PXDNL: variants seen among roughly 807,000 people sequenced by gnomAD.
PXDNL encodes the protein peroxidasin like, also known as probable oxidoreductase PXDNL.
In PXDNL, 145 loss-of-function variants were observed where a neutral mutation model predicts 150.8. That is an observed-to-expected ratio of 0.96 (90% CI 0.84 to 1.10). PXDNL has a LOEUF of 1.10. PXDNL is among the 50% of genes least tolerant of loss of function. The pLI is 0.00. For synonymous variants in PXDNL, 757 were observed against 725.7 expected (o/e 1.04, Z -0.69); for missense variants, 2,087 against 1,873.9 (o/e 1.11, Z -2.10).
chr8:51,583,534 C>G (rs1813256236), intron 3 of PXDNL, among the ~76,000 whole-genome samples: 1 of 152,074 alleles, frequency 6.6e-6, no homozygotes, highest in African/African-American at 2.4e-5. Flanking sequence ...GACATTTTGA[C>G]TCCAAATGCA....
chr8:51,353,884 T>A (rs1586026718), intron 19 of PXDNL, among the ~76,000 whole-genome samples: 1 of 152,278 alleles, frequency 6.6e-6, no homozygotes, highest in East Asian at 1.9e-4. Context: ...TGTGCCTGAC[T>A]TAACTTTGAT....
chr8:51,464,025 A>G (rs1810144943), intron 8 of PXDNL, among the ~76,000 whole-genome samples: 1 of 151,982 alleles, frequency 6.6e-6, no homozygotes, highest in Non-Finnish European at 1.5e-5. Context: ...GGAACTAAAA[A>G]AAAAAAAAAC....
At chr8:51,755,282 T>G (rs1029137491) in intron 1 of PXDNL, among the ~76,000 whole-genome samples, 1 of 139,822 alleles carries the variant, frequency 7.2e-6, no homozygotes. Flanking sequence ...TTTATGATGA[T>G]GGAATAGAAT....
chr8:51,432,079 T>C (rs1364268070), intron 12 of PXDNL, among the ~76,000 whole-genome samples: 1 of 152,246 alleles, frequency 6.6e-6, no homozygotes, highest in Non-Finnish European at 1.5e-5. Context: ...ACTATCATAA[T>C]GATTTTACTT....
chr8:51,676,846 AAAG>A (rs923095879), intron 1 of PXDNL, among the ~76,000 whole-genome samples: 2 of 152,226 alleles, frequency 1.3e-5, no homozygotes, highest in African/African-American at 4.8e-5. Flanking sequence ...GATTAATGAA[AAAG>A]AAGAAGATCA....
chr8:51,534,498 G>A (rs1425186246), intron 4 of PXDNL, among the ~76,000 whole-genome samples: 3 of 21,776 alleles, frequency 1.4e-4, no homozygotes, highest in Non-Finnish European at 1.4e-4. Context: ...TCAGCCCCCC[G>A]CCCGGCCAGC....
intron 6 of PXDNL, 99 bp from the exon 7 acceptor site, chr8:51,475,240 G>T: frequency 8.3e-7 from 1 of 1,208,200 alleles, no homozygotes; most frequent in Non-Finnish European, 1.1e-6. Context: ...GATTTACCTT[G>T]TCTGTTACAT....
At chr8:51,697,337 T>A (rs1449107349) in intron 1 of PXDNL, among the ~76,000 whole-genome samples, 1 of 151,854 alleles carries the variant, frequency 6.6e-6, no homozygotes, top group Non-Finnish European at 1.5e-5. Context: ...GGGGAAGAAA[T>A]ATACTAAATA....
intron 1 of PXDNL, among the ~76,000 whole-genome samples, chr8:51,723,720 A>C (rs554774711): frequency 3.9e-5 from 6 of 152,280 alleles, no homozygotes; most frequent in Admixed American, 2.6e-4. Context: ...GCAGGTCGAC[A>C]AAGTTCCTCT....
intron 3 of PXDNL, among the ~76,000 whole-genome samples, chr8:51,557,420 A>G (rs1381024363): frequency 6.6e-6 from 1 of 152,144 alleles, no homozygotes; most frequent in Non-Finnish European, 1.5e-5. Flanking sequence ...TATAAATACG[A>G]TGATACAACT....
chr8:51,604,558 G>C (rs942107111), intron 2 of PXDNL, among the ~76,000 whole-genome samples: 2 of 152,128 alleles, frequency 1.3e-5, no homozygotes, highest in African/African-American at 4.8e-5. Context: ...TAAATGACGA[G>C]TTAATGGGTG....
chr8:51,486,790 ATATATTTTTTTTTTTTT>A (rs1470789879), intron 5 of PXDNL, among the ~76,000 whole-genome samples: 453 of 23,536 alleles, frequency 0.019, no homozygotes, highest in African/African-American at 0.031. Flanking sequence ...ATATATATAT[ATATATTTTTTTTTTTTT>A]TTTTTTTTTT....
At chr8:51,404,682 T>C (rs150068608) in intron 17 of PXDNL, among the ~76,000 whole-genome samples, 3,781 of 152,240 alleles carry the variant, frequency 0.025, 181 homozygotes, top group African/African-American at 0.085. Context: ...AGAGTGCTGA[T>C]TGGTGTATCT....
At chr8:51,365,067 A>T (rs1335922698) in intron 19 of PXDNL, among the ~76,000 whole-genome samples, 1 of 152,186 alleles carries the variant, frequency 6.6e-6, no homozygotes, top group East Asian at 1.9e-4. Context: ...CAGCCTCCCA[A>T]GTAGCTGGGA....
intron 6 of PXDNL, among the ~76,000 whole-genome samples, chr8:51,475,499 C>T (rs1405158205): frequency 6.6e-6 from 1 of 152,154 alleles, no homozygotes; most frequent in Non-Finnish European, 1.5e-5. Context: ...TGCAGTAGCT[C>T]ATGCCTGTAA....
intron 1 of PXDNL, among the ~76,000 whole-genome samples, chr8:51,697,133 A>G (rs28434088): frequency 0.76 from 115,132 of 151,866 alleles, 43,705 homozygotes; most frequent in East Asian, 0.82. Context: ...TTGAAACCCC[A>G]TGTCTACTAA....
At chr8:51,712,848 G>T (rs1003719109) in intron 1 of PXDNL, among the ~76,000 whole-genome samples, 1 of 151,996 alleles carries the variant, frequency 6.6e-6, no homozygotes, top group African/African-American at 2.4e-5. Context: ...ATGATTAATG[G>T]GTAAGAAAAA....
chr8:51,788,702 G>T (rs528114442), intron 1 of PXDNL, among the ~76,000 whole-genome samples: 1 of 152,306 alleles, frequency 6.6e-6, no homozygotes, highest in South Asian at 2.1e-4. Context: ...AGGACCACCT[G>T]TGAAGTTGAG....
intron 21 of PXDNL, among the ~76,000 whole-genome samples, chr8:51,322,345 G>A (rs1292110469): frequency 6.6e-6 from 1 of 151,932 alleles, no homozygotes; most frequent in African/African-American, 2.4e-5. Context: ...AAAAATATGT[G>A]TTAAAGCATG....
Sources: gnomAD v4.1 joint callset for allele counts (sites outside exome capture counted in the v4.1 genomes callset) on GRCh38, gnomAD v4.1.1 for gene constraint, MANE v1.5 for transcripts, NCBI Gene and HGNC (gene_info 2026-07-23, HGNC 2026-07-21) for gene names.